EPS8L1: variants seen among roughly 807,000 people sequenced by gnomAD.
The protein encoded by EPS8L1 is epidermal growth factor receptor kinase substrate 8-like protein 1.
EPS8L1 carries 101 observed loss-of-function variants against 91.7 expected under a neutral mutation model. The observed-to-expected ratio is 1.10, with a 90% CI of 0.94 to 1.30. The LOEUF is 1.30. EPS8L1 is among the 50% of genes most tolerant of loss of function. The probability of loss-of-function intolerance (pLI) is 0.00; values close to 1 mark genes in which losing one functional copy is unlikely to be tolerated. For missense variants in EPS8L1, 1,114 were observed against 1,017.0 expected (o/e 1.10, Z -1.30); for synonymous variants, 506 against 445.3 (o/e 1.14, Z -1.72).
chr19:55,082,198 C>G lies in EPS8L1; in HGVS notation c.990+18C>G. 1.9e-6 allele frequency: 3 copies of G among 1,591,756 alleles called. No individual in the cohort carries two copies. The East Asian group carries it at 6.8e-5, about 36-fold the overall frequency. ...GCCTGCTGGTGAGGACGCGCCCGCCCCTGGGCCGGGGCGCGGGCACGACGA... is the reference window on the plus strand; with the variant it reads ...GCCTGCTGGTGAGGACGCGCCCGCCGCTGGGCCGGGGCGCGGGCACGACGA... On this transcript the variant is annotated intron_variant, in intron 10 of 19. Coordinates refer to ENST00000201647, the MANE Select transcript of EPS8L1 (RefSeq NM_133180.3).
chr19:55,081,708 A>C lies in EPS8L1; in HGVS notation c.775-65A>C. ...GGGAAGTGTATAGGTGCTCAGGTTC[A>C]GGGCTTCGACGGGGATGGTTTTGGA... On this transcript the variant is annotated intron_variant, in intron 8 of 19. Transcript: ENST00000201647. The surrounding 1 kb of genome is among the most constrained non-coding windows in gnomAD (Gnocchi z 4.9). The C allele has an allele frequency of 1.9e-6, 3 of 1,551,050 alleles. No individual in the cohort carries two copies. Among genetic ancestry groups the C allele is most frequent in the Non-Finnish European group, 2.6e-6 (3 of 1,146,894 alleles).
intron 2 of EPS8L1, among the ~76,000 whole-genome samples, 156 bp from the exon 3 acceptor site, chr19:55,077,932 C>CAATAATAATAAT (rs34626114): frequency 1.6e-4 from 20 of 126,298 alleles, no homozygotes; most frequent in Non-Finnish European, 3.1e-4. Context: ...CTCTCCTGCT[C>CAATAATAATAAT]AATAATAATA....
At chr19:55,076,345 G>A (rs2076134567) in intron 1 of EPS8L1, 63 bp from the exon 2 acceptor site, 1 of 1,460,110 alleles carries the variant, frequency 6.8e-7, no homozygotes, top group Non-Finnish European at 9.4e-7. Context: ...ATTGAGGGAG[G>A]AGGCTGGGGT....
At chr19:55,076,500 C>T in intron 2 of EPS8L1, 39 bp downstream of exon 2, 1 of 1,604,606 alleles carries the variant, frequency 6.2e-7, no homozygotes, top group Non-Finnish European at 8.5e-7. Flanking sequence ...CCCCAGCACG[C>T]CTCCCGCCTC....
Position 55,079,692 on chromosome 19 carries a change from C to T in EPS8L1, c.120C>T (p.His40=). ...MADVSQYPVN[H]LVTFCLGEDD... The stretch of plus-strand genomic sequence containing the variant: ...GCTTTCTCCATGGTCCGTACCAGCA[C>T]CTGGTGACGTTCTGCCTGGGTGAGG... Residue 40 remains histidine, a splice_region_variant and synonymous_variant, in exon 5 of 20, where the codon CAC becomes CAT. Coordinates refer to ENST00000201647, the MANE Select transcript of EPS8L1 (RefSeq NM_133180.3). 6.2e-7 allele frequency: 1 copy of T among 1,613,624 alleles called. No individual in the cohort carries two copies. Among genetic ancestry groups the T allele is most frequent in the Admixed American group, 1.7e-5 (1 of 59,974 alleles).
At chr19:55,078,795 GA>G in intron 3 of EPS8L1, among the ~76,000 whole-genome samples, 3 of 52,010 alleles carry the variant, frequency 5.8e-5, no homozygotes, top group African/African-American at 2.3e-4. Context: ...TCCTGGGTCA[GA>G]GGGAAGAGGG....
intron 14 of EPS8L1, chr19:55,084,529 G>C (rs2147160837): frequency 6.6e-6 from 1 of 152,396 alleles, no homozygotes; most frequent in East Asian, 1.9e-4. Flanking sequence ...GAGACAAAGG[G>C]GGGTCTGGGT....
chr19:55,081,466 G>A lies in EPS8L1; in HGVS notation c.748G>A (p.Ala250Thr). The change falls in exon 8 of 20, where the codon GCG (alanine) becomes ACG (threonine). Residue 250 changes from alanine (A) to threonine (T), a missense_variant. Transcript: ENST00000201647. This position sits in a 1 kb window ranked among gnomAD's most constrained non-coding sequence, Gnocchi z 4.9. ...CCTGGGTCCCCGGGGTCCTGACCTG[G>A]CGGTTCTGCAGGCGGAGCGGGAAGT... is the stretch of plus-strand genomic sequence containing the variant. ...PDLGPRGPDL[A>T]VLQAEREVDI... The A allele has an allele frequency of 6.3e-7, 1 of 1,594,926 alleles. No homozygotes were observed. The highest frequency in any genetic ancestry group is 8.5e-7 in the Non-Finnish European group (1 of 1,171,556).
rs1394116494 is a variant in EPS8L1, at chr19:55,081,006, C to T, written c.512+152C>T. ...TGTCTGTACCTCCCAGACGAGCTGACCCCTTCTCCAGAACTCTGCTTCTTT... is the reference window on the plus strand; with the variant it reads ...TGTCTGTACCTCCCAGACGAGCTGATCCCTTCTCCAGAACTCTGCTTCTTT... On this transcript the variant is annotated intron_variant, in intron 7 of 19. Coordinates refer to ENST00000201647, the MANE Select transcript of EPS8L1 (RefSeq NM_133180.3). The surrounding 1 kb of genome is among the most constrained non-coding windows in gnomAD (Gnocchi z 4.9). The T allele has an allele frequency of 5.5e-6, 5 of 902,242 alleles. No individual in the cohort carries two copies. Among genetic ancestry groups the T allele is most frequent in the East Asian group, 2.7e-5 (1 of 37,260 alleles). 55.9% of individuals were successfully genotyped at this position (902,242 alleles called of 1,614,324 possible). A position where few individuals can be genotyped will look rare whatever the true frequency, so the allele number is the denominator to read the frequency against.
chr19:55,085,042 G>C (rs1222370834), intron 14 of EPS8L1, among the ~76,000 whole-genome samples: 1 of 152,126 alleles, frequency 6.6e-6, no homozygotes, highest in Non-Finnish European at 1.5e-5. Flanking sequence ...AGGGTCTCTG[G>C]GGGAGGAAGA....
intron 1 of EPS8L1, among the ~76,000 whole-genome samples, 154 bp downstream of exon 1, chr19:55,076,073 C>T (rs1431352882): frequency 0.024 from 3,279 of 135,588 alleles, 252 homozygotes; most frequent in Non-Finnish European, 0.032. Flanking sequence ...GGGTCCTGGA[C>T]TCCTAGGTCT....
intron 10 of EPS8L1, 29 bp from the exon 11 acceptor site, chr19:55,082,246 C>T (rs1211436070): frequency 1.2e-6 from 2 of 1,605,030 alleles, no homozygotes; most frequent in East Asian, 4.5e-5. Flanking sequence ...CCCGCACCCA[C>T]GCCAACCACC....
chr19:55,081,882 G>C lies in EPS8L1; in HGVS notation c.884G>C (p.Arg295Pro), dbSNP rs967448534. 70 of 1,608,260 alleles carry C rather than the reference G, an allele frequency of 4.4e-5. No individual in the cohort carries two copies. Among genetic ancestry groups the C allele is most frequent in the Non-Finnish European group, 5.8e-5 (68 of 1,176,692 alleles). The change falls in exon 9 of 20, where the codon CGG becomes CCG. Residue 295 changes from arginine (R) to proline (P), a missense_variant. Arg to Pro is a moderately radical substitution (Grantham distance 103). Transcript: ENST00000201647. This position sits in a 1 kb window ranked among gnomAD's most constrained non-coding sequence, Gnocchi z 4.9. ...LEHRERGRRS[R>P]RRAAGEGLLT... is the part of the protein sequence containing the mutation. Reference sequence around the variant, plus strand: ...CACCGGGAACGCGGCCGCAGGAGCCGGCGCCGGGCGGCTGGGGGTAAGGGG... The same window carrying C: ...CACCGGGAACGCGGCCGCAGGAGCCCGCGCCGGGCGGCTGGGGGTAAGGGG...
At position 55,086,454 on chromosome 19, in the gene EPS8L1, C is replaced by A; in HGVS notation, c.1713C>A (p.Pro571=). The change falls in exon 17 of 20, where the codon CCC becomes CCA. Residue 571 remains proline (P), a synonymous_variant. Coordinates refer to ENST00000201647, the MANE Select transcript of EPS8L1 (RefSeq NM_133180.3). The stretch of plus-strand genomic sequence containing the variant: ...CCCCACCTCCAGCTCTGGCTCGGCC[C>A]CGCTGGGACAGGCCCCGCTGGGACA... ...APAPPPALAR[P]RWDRPRWDSC... is the part of the protein sequence containing the mutation. The A allele has an allele frequency of 2.6e-6, 4 of 1,552,742 alleles. No individual in the cohort carries two copies. The Middle Eastern group carries it at 6.7e-4, about 259-fold the overall frequency.
rs1343405573 is a variant in EPS8L1, at chr19:55,075,887, CAGCGGAG to C, written c.-66_-60del. On this transcript the variant is annotated 5_prime_UTR_variant, in exon 1 of 20. Coordinates refer to ENST00000201647, the MANE Select transcript of EPS8L1 (RefSeq NM_133180.3). ...GGCCGGCAGCCTGGAAGGGAAAGGACAGCGGAGAGCAGGGCAGAGCCTGAGCAGGCAG... is the reference window on the plus strand; with the variant it reads ...GGCCGGCAGCCTGGAAGGGAAAGGACAGCAGGGCAGAGCCTGAGCAGGCAG... The C allele has an allele frequency of 6.4e-6, 1 of 155,390 alleles. No individual in the cohort carries two copies. The highest frequency in any genetic ancestry group is 2.4e-5 in the African/African-American group (1 of 41,436). The allele number at this position is 155,390 out of a possible 1,614,324, so 9.6% of individuals were successfully genotyped here. A position where few individuals can be genotyped will look rare whatever the true frequency, so the allele number is the denominator to read the frequency against.
rs1298964931 is a variant in EPS8L1, at chr19:55,080,121, C to G, written c.280-8C>G. 6.8e-7 allele frequency: 1 copy of G among 1,480,826 alleles called. No individual in the cohort carries two copies. The highest frequency in any genetic ancestry group is 9.0e-7 in the Non-Finnish European group (1 of 1,110,792). The allele number at this position is 1,480,826 out of a possible 1,614,324, so 91.7% of individuals were successfully genotyped here. On this transcript the variant is annotated splice_region_variant and splice_polypyrimidine_tract_variant and intron_variant, in intron 5 of 19. Coordinates refer to ENST00000201647, the MANE Select transcript of EPS8L1 (RefSeq NM_133180.3). ...GGCCTCAGTTTACCCCGCCATCCCA[C>G]CCGGCAGGAGGAGCTGGAGTCGTAC...
In EPS8L1 at chr19:55,079,065, T is replaced by C. The variant is rs754084460; in HGVS notation, c.117+8T>C. 9 of 1,613,878 alleles carry C rather than the reference T, an allele frequency of 5.6e-6. No individual in the cohort carries two copies. In the African/African-American group the frequency reaches 1.2e-4, roughly 22 times the overall value. On this transcript the variant is annotated splice_region_variant and intron_variant, in intron 4 of 19. Transcript: ENST00000201647. ...TCCCAGTACCCAGTCAATGTGAGTC[T>C]GGGGTCTGTGTTCCCCCAGGACATC...
At chr19:55,080,710 C>A in intron 6 of EPS8L1, 62 bp from the exon 7 acceptor site, 1 of 1,583,712 alleles carries the variant, frequency 6.3e-7, no homozygotes, top group Non-Finnish European at 8.6e-7. Flanking sequence ...CGGCCAGGGG[C>A]GAGGCCCGGG....
Position 55,081,413 on chromosome 19 carries a change from C to T in EPS8L1, c.695C>T (p.Ser232Leu). The change falls in exon 8 of 20, where the codon TCG (serine) becomes TTG (leucine). Residue 232 changes from serine (S) to leucine (L), a missense_variant. Coordinates refer to ENST00000201647, the MANE Select transcript of EPS8L1 (RefSeq NM_133180.3). The surrounding 1 kb of genome is among the most constrained non-coding windows in gnomAD (Gnocchi z 4.9). ...EAQRPEPVGT[S>L]SNADSASPDL... ...CAGAGGCCTGAGCCGGTGGGGACCT[C>T]GAGCAACGCTGACTCGGCCTCCCCG... 6.3e-7 allele frequency: 1 copy of T among 1,596,772 alleles called. No homozygotes were observed. The highest frequency in any genetic ancestry group is 8.5e-7 in the Non-Finnish European group (1 of 1,173,510).
Sources: allele counts gnomAD v4.1 joint callset (sites outside exome capture counted in the v4.1 genomes callset), GRCh38; gene constraint gnomAD v4.1.1; non-coding constraint Gnocchi (gnomAD v3.1); transcripts MANE v1.5; gene names NCBI Gene and HGNC (gene_info 2026-07-23, HGNC 2026-07-21).